The following CAPZB variants were observed in gnomAD, a reference collection of about 807,000 sequenced individuals.
CAPZB encodes F-actin-capping protein subunit beta.
A neutral mutation model predicts 38.1 loss-of-function variants in CAPZB; 2 were observed. That is an observed-to-expected ratio of 0.05 (90% CI 0.02 to 0.17). The LOEUF (loss-of-function observed/expected upper bound fraction) is 0.17. Among genes scored for constraint, CAPZB ranks in the 10% least tolerant of loss-of-function variants. CAPZB has a pLI of 1.00. For synonymous variants in CAPZB, 107 were observed against 127.4 expected (o/e 0.84, Z 1.08); for missense variants, 161 against 334.2 (o/e 0.48, Z 4.04).
At position 19,356,020 on chromosome 1, in the gene CAPZB, A is replaced by C. The variant is rs1165926904; in HGVS notation, c.588+615T>G. 1.3e-5 allele frequency among the ~76,000 whole-genome samples: 2 copies of C among 152,142 alleles called. No individual in the cohort carries two copies. Among genetic ancestry groups the C allele is most frequent in the Non-Finnish European group, 2.9e-5 (2 of 68,028 alleles). On this transcript the variant is annotated intron_variant, in intron 6 of 8. Transcript: ENST00000264202. This position sits in a 1 kb window ranked among gnomAD's most constrained non-coding sequence, Gnocchi z 4.3. ...GAACCTGGGAACAACATCGTGGAGA[A>C]GGGTTGCTAGTGATACCCAAACAAA...
chr1:19,359,799 T>C (rs1166292849), intron 4 of CAPZB, among the ~76,000 whole-genome samples: 2 of 152,198 alleles, frequency 1.3e-5, no homozygotes, highest in African/African-American at 4.8e-5. Flanking sequence ...GACACACCTG[T>C]GAGGCCCAGA....
At chr1:19,405,965 T>C (rs186907833) in intron 2 of CAPZB, among the ~76,000 whole-genome samples, 116 of 152,294 alleles carry the variant, frequency 7.6e-4, no homozygotes, top group African/African-American at 2.7e-3. Flanking sequence ...TGGCAGTCAT[T>C]TGCAAAGGGA....
chr1:19,484,210 A>C (rs1376274472), intron 1 of CAPZB: 1 of 1,612,486 alleles, frequency 6.2e-7, no homozygotes, highest in Non-Finnish European at 8.5e-7. Context: ...GGACTTCCAT[A>C]ATCAGCAGTT....
chr1:19,484,136 A>C (rs2094641307), intron 1 of CAPZB: 2 of 1,570,554 alleles, frequency 1.3e-6, no homozygotes, highest in African/African-American at 2.7e-5. Context: ...TGCCTTCTTT[A>C]CCAAAACAAA....
chr1:19,417,007 T>A (rs553871699), intron 2 of CAPZB, among the ~76,000 whole-genome samples: 74 of 151,972 alleles, frequency 4.9e-4, no homozygotes, highest in African/African-American at 1.8e-3. Context: ...TCAGAGGTGA[T>A]CTCTCTCATT....
chr1:19,421,781 T>C (rs2094402074), intron 1 of CAPZB, among the ~76,000 whole-genome samples: 1 of 152,216 alleles, frequency 6.6e-6, no homozygotes, highest in Non-Finnish European at 1.5e-5. Context: ...TATTTATCCA[T>C]AAAATGGGAA....
At chr1:19,464,817 T>C (rs989913372) in intron 1 of CAPZB, among the ~76,000 whole-genome samples, 2 of 152,196 alleles carry the variant, frequency 1.3e-5, no homozygotes, top group Non-Finnish European at 2.9e-5. Context: ...TTCCATTTAT[T>C]TACAATTATA....
chr1:19,378,719 G>A, intron 3 of CAPZB, 66 bp from the exon 4 acceptor site: 1 of 857,306 alleles, frequency 1.2e-6, no homozygotes, highest in Non-Finnish European at 1.9e-6. Flanking sequence ...AGCGAGCAGG[G>A]AGCCTGAGCC....
chr1:19,382,144 T>C (rs1436732744), intron 3 of CAPZB, among the ~76,000 whole-genome samples: 4 of 152,142 alleles, frequency 2.6e-5, no homozygotes, highest in Non-Finnish European at 5.9e-5. Flanking sequence ...CAAGAGCCCA[T>C]CTTTCGGGCA....
At chr1:19,378,933 G>A (rs1050399865) in intron 3 of CAPZB, among the ~76,000 whole-genome samples, 4 of 152,124 alleles carry the variant, frequency 2.6e-5, no homozygotes, top group African/African-American at 9.7e-5. Context: ...TTTCTCCTGC[G>A]TAAAATGCGG....
chr1:19,444,565 T>A (rs2094490073), intron 1 of CAPZB, among the ~76,000 whole-genome samples: 1 of 152,098 alleles, frequency 6.6e-6, no homozygotes, highest in South Asian at 2.1e-4. Flanking sequence ...GACCCTGCCA[T>A]CTTCCCAGGC....
intron 2 of CAPZB, among the ~76,000 whole-genome samples, chr1:19,386,501 C>T (rs1371058772): frequency 2.0e-5 from 3 of 152,226 alleles, no homozygotes; most frequent in African/African-American, 7.2e-5. Flanking sequence ...ATATCGTTTA[C>T]CAGGAAAGTG....
intron 1 of CAPZB, among the ~76,000 whole-genome samples, chr1:19,421,070 A>G (rs951696270): frequency 6.6e-6 from 1 of 152,334 alleles, no homozygotes; most frequent in South Asian, 2.1e-4. Context: ...GGAGTCCCCA[A>G]CACTACCCAA....
At chr1:19,427,581 C>T (rs1477815785) in intron 1 of CAPZB, among the ~76,000 whole-genome samples, 2 of 152,346 alleles carry the variant, frequency 1.3e-5, no homozygotes, top group East Asian at 3.9e-4. Flanking sequence ...GAATCCTGGG[C>T]CGGCCCAGCC....
chr1:19,446,698 A>G (rs776370309), intron 1 of CAPZB, among the ~76,000 whole-genome samples: 7 of 152,244 alleles, frequency 4.6e-5, no homozygotes, highest in Non-Finnish European at 8.8e-5. Context: ...ACAATTGCAC[A>G]GTGTTAAAAA....
At chr1:19,368,667 T>A (rs1233175153) in intron 4 of CAPZB, among the ~76,000 whole-genome samples, 1 of 149,874 alleles carries the variant, frequency 6.7e-6, no homozygotes, top group African/African-American at 2.5e-5. Flanking sequence ...AATGCCTTTT[T>A]TTTTTTTTTT....
intron 8 of CAPZB, among the ~76,000 whole-genome samples, chr1:19,343,144 G>A (rs531910100): frequency 7.5e-4 from 114 of 152,306 alleles, no homozygotes; most frequent in African/African-American, 2.6e-3. Context: ...TTGGCTGGGC[G>A]GGAAAGTGTG....
At chr1:19,473,746 C>T (rs1007169920) in intron 1 of CAPZB, among the ~76,000 whole-genome samples, 6 of 152,168 alleles carry the variant, frequency 3.9e-5, no homozygotes, top group Non-Finnish European at 5.9e-5. Flanking sequence ...TGCCTGTAAT[C>T]CCAGCTACTT....
chr1:19,484,104 C>T (rs2094641098), intron 1 of CAPZB: 2 of 1,419,522 alleles, frequency 1.4e-6, no homozygotes, highest in Non-Finnish European at 1.9e-6. Flanking sequence ...ACCCCAGGTT[C>T]CTCAAAAGTC....
Sources: allele counts gnomAD v4.1 joint callset (sites outside exome capture counted in the v4.1 genomes callset), GRCh38; gene constraint gnomAD v4.1.1; non-coding constraint Gnocchi (gnomAD v3.1); transcripts MANE v1.5; gene names NCBI Gene and HGNC (gene_info 2026-07-23, HGNC 2026-07-21).